Variants in ARHGAP32 observed in about 807,000 individuals in gnomAD.
ARHGAP32 encodes the protein rho GTPase-activating protein 32.
ARHGAP32 carries 51 observed loss-of-function variants against 186.5 expected under a neutral mutation model. The ratio of observed to expected loss-of-function variants is 0.27; its 90% CI spans 0.22 to 0.35. The LOEUF is 0.35. Ranked by LOEUF, ARHGAP32 falls within the 10% of genes least tolerant of loss-of-function variation. The pLI is 1.00. For synonymous variants in ARHGAP32, 950 were observed against 964.3 expected (o/e 0.99, Z 0.27); for missense variants, 2,186 against 2,623.5 (o/e 0.83, Z 3.64).
intron 2 of ARHGAP32, among the ~76,000 whole-genome samples, chr11:129,157,401 G>A (rs892563569): frequency 2.6e-5 from 4 of 151,970 alleles, no homozygotes; most frequent in Admixed American, 6.6e-5. Flanking sequence ...TGATGGAGCC[G>A]AGAAACACAG....
In ARHGAP32 at chr11:129,270,772, C is replaced by T. The variant is rs554458338; in HGVS notation, c.-5+8374G>A. The stretch of plus-strand genomic sequence containing the variant: ...ATCACTGAGACTGTGGCTCAGTGAA[C>T]AAAGAAGAAAAGAAGAGAGAGCAGA... On this transcript the variant is annotated intron_variant, in intron 1 of 6. Coordinates refer to the ARHGAP32 transcript ENST00000525234. 3.3e-5 allele frequency among the ~76,000 whole-genome samples: 5 copies of T among 149,856 alleles called. No individual in the cohort carries two copies. The East Asian group carries it at 9.8e-4, about 29-fold the overall frequency.
intron 10 of ARHGAP32, among the ~76,000 whole-genome samples, chr11:129,058,122 A>G (rs1940326800): frequency 6.6e-6 from 1 of 151,970 alleles, no homozygotes; most frequent in Non-Finnish European, 1.5e-5. Context: ...TAAATCCTAG[A>G]AACAGCTCCC....
chr11:129,224,240 T>A (rs542617953), intron 1 of ARHGAP32, among the ~76,000 whole-genome samples: 3 of 152,260 alleles, frequency 2.0e-5, no homozygotes, highest in Non-Finnish European at 4.4e-5. Flanking sequence ...GAGATTCAAA[T>A]TTCAGAAGGC....
intron 1 of ARHGAP32, among the ~76,000 whole-genome samples, chr11:129,221,060 A>G (rs1428104938): frequency 2.0e-5 from 3 of 152,090 alleles, no homozygotes; most frequent in Admixed American, 2.0e-4. Flanking sequence ...AAGATGCTAT[A>G]TATTCTAACT....
Position 129,122,759 on chromosome 11 carries a change from C to T in ARHGAP32, c.444+687G>A, listed in dbSNP as rs1264829979. Among the ~76,000 whole-genome samples the T allele has an allele frequency of 5.3e-5, 8 of 152,020 alleles. 1 individual carries two copies. Among genetic ancestry groups the T allele is most frequent in the Non-Finnish European group, 1.2e-4 (8 of 67,946 alleles). On this transcript the variant is annotated intron_variant, in intron 5 of 22. Transcript: ENST00000682385. ...GGAGAGACAGTGGTTAGGGCAAGGACAGGAAGTGGACTACCTCTACATGTT... is the reference window on the plus strand; with the variant it reads ...GGAGAGACAGTGGTTAGGGCAAGGATAGGAAGTGGACTACCTCTACATGTT...
intron 6 of ARHGAP32, among the ~76,000 whole-genome samples, chr11:129,083,584 A>G (rs532093919): frequency 6.6e-6 from 1 of 152,258 alleles, no homozygotes; most frequent in African/African-American, 2.4e-5. Flanking sequence ...TGATGGGAAG[A>G]AGGGATAAAA....
intron 2 of ARHGAP32, among the ~76,000 whole-genome samples, chr11:129,126,241 C>T (rs925645779): frequency 6.6e-6 from 1 of 152,190 alleles, no homozygotes; most frequent in African/African-American, 2.4e-5. Context: ...ATCTTTGCCA[C>T]TATTCAATTC....
intron 1 of ARHGAP32, among the ~76,000 whole-genome samples, chr11:129,244,333 G>A (rs925636620): frequency 6.6e-6 from 1 of 152,132 alleles, no homozygotes; most frequent in East Asian, 1.9e-4. Context: ...TAATGTATCT[G>A]CATATATGGT....
At chr11:129,039,985 A>T (rs472934) in intron 11 of ARHGAP32, among the ~76,000 whole-genome samples, 3 of 152,226 alleles carry the variant, frequency 2.0e-5, no homozygotes, top group Admixed American at 1.3e-4. Context: ...AAATGGGAAC[A>T]ATGATTCCCT....
chr11:129,086,531 C>T (rs1156309109), intron 6 of ARHGAP32, among the ~76,000 whole-genome samples: 1 of 152,124 alleles, frequency 6.6e-6, no homozygotes, highest in Non-Finnish European at 1.5e-5. Context: ...TTGCAAAAGA[C>T]ACACTGATGG....
At chr11:128,976,064 G>A (rs1227146884) in intron 20 of ARHGAP32, among the ~76,000 whole-genome samples, 1 of 138,540 alleles carries the variant, frequency 7.2e-6, no homozygotes, top group African/African-American at 2.7e-5. Context: ...GCAACAAAGC[G>A]AGACTCTGTC....
chr11:129,173,715 A>G (rs1009729818), intron 1 of ARHGAP32, among the ~76,000 whole-genome samples: 1 of 152,212 alleles, frequency 6.6e-6, no homozygotes, highest in African/African-American at 2.4e-5. Flanking sequence ...AATAGGTGAA[A>G]TTTAATACCT....
chr11:129,161,085 G>A (rs572582120), intron 2 of ARHGAP32, among the ~76,000 whole-genome samples: 9 of 152,080 alleles, frequency 5.9e-5, no homozygotes, highest in Non-Finnish European at 1.0e-4. Flanking sequence ...ATAGTGTTAC[G>A]AAAACTGGAT....
intron 2 of ARHGAP32, among the ~76,000 whole-genome samples, chr11:129,162,702 GT>G (rs1316175415): frequency 6.6e-6 from 1 of 152,102 alleles, no homozygotes; most frequent in Non-Finnish European, 1.5e-5. Flanking sequence ...TTGCTAATCA[GT>G]TTTTACTGCA....
intron 6 of ARHGAP32, among the ~76,000 whole-genome samples, chr11:129,083,313 A>G (rs1390006093): frequency 6.6e-6 from 1 of 152,226 alleles, no homozygotes; most frequent in Non-Finnish European, 1.5e-5. Flanking sequence ...CAACTGCAAA[A>G]AATGGAAGCA....
intron 1 of ARHGAP32, among the ~76,000 whole-genome samples, chr11:129,200,528 CT>C (rs1180427970): frequency 6.6e-6 from 1 of 152,102 alleles, no homozygotes; most frequent in Non-Finnish European, 1.5e-5. Context: ...TAAGACATGC[CT>C]TTCATCTTCC....
chr11:129,259,794 A>G (rs1271427785), intron 1 of ARHGAP32, among the ~76,000 whole-genome samples: 1 of 152,208 alleles, frequency 6.6e-6, no homozygotes, highest in Non-Finnish European at 1.5e-5. Context: ...TGGGATATGA[A>G]TATCTAATTA....
chr11:129,130,435 C>CA (rs1191534201), intron 2 of ARHGAP32, among the ~76,000 whole-genome samples: 3 of 150,410 alleles, frequency 2.0e-5, no homozygotes, highest in Non-Finnish European at 4.4e-5. Flanking sequence ...AACTCATAAG[C>CA]AAAAAAAATT....
At chr11:129,170,412 T>C (rs1943734834) in intron 1 of ARHGAP32, among the ~76,000 whole-genome samples, 2 of 152,144 alleles carry the variant, frequency 1.3e-5, no homozygotes, top group African/African-American at 2.4e-5. Flanking sequence ...CTCCCAATTA[T>C]GGATGACAAC....
Sources: allele counts gnomAD v4.1 joint callset (sites outside exome capture counted in the v4.1 genomes callset), GRCh38; gene constraint gnomAD v4.1.1; transcripts MANE v1.5; gene names NCBI Gene and HGNC (gene_info 2026-07-23, HGNC 2026-07-21).